The following GFRA1 variants were observed in gnomAD, a reference collection of about 807,000 sequenced individuals.
The protein encoded by GFRA1 is GDNF family receptor alpha-1.
GFRA1 carries 16 observed loss-of-function variants against 51.6 expected under a neutral mutation model. The observed-to-expected ratio is 0.31, with a 90% CI of 0.21 to 0.47. The LOEUF is 0.47. Among genes scored for constraint, GFRA1 ranks in the 20% least tolerant of loss-of-function variants. The pLI is 1.00. For missense variants in GFRA1, 530 were observed against 594.3 expected (o/e 0.89, Z 1.13); for synonymous variants, 270 against 241.3 (o/e 1.12, Z -1.10).
chr10:116,089,847 G>A lies in GFRA1; in HGVS notation c.1091C>T (p.Thr364Ile). 1 of 1,614,090 alleles carries A rather than the reference G, an allele frequency of 6.2e-7. No individual in the cohort carries two copies. The highest frequency in any genetic ancestry group is 8.5e-7 in the Non-Finnish European group (1 of 1,179,966). ...CCGGAGGGCAGTGGTGGTAGTGGCA[G>A]TGGTGGTCTGTACTGGGAAGGCTGG... ...WQPAFPVQTT[T>I]ATTTTALRVK... is the part of the protein sequence containing the mutation. Residue 364 changes from threonine (T) to isoleucine (I), a missense_variant, in exon 9 of 11, where the codon ACT becomes ATT. Coordinates refer to ENST00000355422, the MANE Select transcript of GFRA1 (RefSeq NM_005264.8).
chr10:116,089,908 C>G lies in GFRA1; in HGVS notation c.1030G>C (p.Ala344Pro). The G allele has an allele frequency of 6.2e-7, 1 of 1,613,316 alleles. No homozygotes were observed. Residue 344 changes from alanine (A) to proline (P), a missense_variant, in exon 9 of 11, where the codon GCC (alanine) becomes CCC (proline). Ala to Pro is a conservative substitution (Grantham distance 27). Transcript: ENST00000355422. The stretch of plus-strand genomic sequence containing the variant: ...GTCACATCGGAGCCATTGCCAAAGG[C>G]TTGAATTGCATTTTCTGCAGTAAAA... ...DNTCLKNAIQ[A>P]FGNGSDVTVW...
chr10:116,229,334 C>G (rs1183203821), intron 4 of GFRA1, among the ~76,000 whole-genome samples: 2 of 152,100 alleles, frequency 1.3e-5, no homozygotes, highest in African/African-American at 2.4e-5. Flanking sequence ...TTTATCCAAA[C>G]GAAAACTCAA....
intron 4 of GFRA1, among the ~76,000 whole-genome samples, chr10:116,218,338 G>C (rs1965701105): frequency 6.6e-6 from 1 of 152,214 alleles, no homozygotes; most frequent in Admixed American, 6.5e-5. Flanking sequence ...AAAGAGGTAG[G>C]AACTGTATGG....
chr10:116,084,116 G>A (rs1054732367), intron 9 of GFRA1, among the ~76,000 whole-genome samples: 3 of 152,124 alleles, frequency 2.0e-5, no homozygotes, highest in Non-Finnish European at 2.9e-5. Flanking sequence ...AGGGGCCCAC[G>A]GTGTCTCTAC....
At chr10:116,231,998 G>A (rs967234345) in intron 4 of GFRA1, among the ~76,000 whole-genome samples, 3 of 152,164 alleles carry the variant, frequency 2.0e-5, no homozygotes, top group Admixed American at 1.3e-4. Context: ...GCAGTATGGA[G>A]AGGGCAAAGA....
chr10:116,223,922 G>A (rs963116637), intron 4 of GFRA1, among the ~76,000 whole-genome samples: 31 of 152,162 alleles, frequency 2.0e-4, no homozygotes, highest in African/African-American at 7.2e-4. Context: ...CTTAAAAAAT[G>A]TTAATTGTCC....
intron 5 of GFRA1, among the ~76,000 whole-genome samples, chr10:116,133,388 T>A (rs908746726): frequency 1.3e-5 from 2 of 152,074 alleles, no homozygotes; most frequent in African/African-American, 4.8e-5. Flanking sequence ...AGGTATAACA[T>A]TCATGGCAAC....
In GFRA1 at chr10:116,246,355, C is replaced by T. The variant is rs150009027; in HGVS notation, c.418+23148G>A. Among the ~76,000 whole-genome samples the T allele has an allele frequency of 8.1e-3, 1,234 of 152,202 alleles. 18 individuals are homozygous for T. Among genetic ancestry groups the T allele is most frequent in the African/African-American group, 0.028 (1,164 of 41,516 alleles). ...CTGAAGCAGGAGAATCGCTTGAACCCGGGAGGCAGAGGTTGCAGTGAGACG... is the reference window on the plus strand; with the variant it reads ...CTGAAGCAGGAGAATCGCTTGAACCTGGGAGGCAGAGGTTGCAGTGAGACG... On this transcript the variant is annotated intron_variant, in intron 4 of 10. Transcript: ENST00000355422.
intron 5 of GFRA1, among the ~76,000 whole-genome samples, chr10:116,188,153 G>C (rs1029556029): frequency 7.2e-5 from 11 of 152,232 alleles, no homozygotes; most frequent in Non-Finnish European, 1.3e-4. Flanking sequence ...GACTTGTTCA[G>C]GTGGAATGGT....
At chr10:116,234,678 G>C (rs74936547) in intron 4 of GFRA1, among the ~76,000 whole-genome samples, 22,690 of 152,192 alleles carry the variant, frequency 0.15, 2,089 homozygotes, top group African/African-American at 0.26. Flanking sequence ...AGGGCTACTG[G>C]ACAGAGCTCT....
intron 5 of GFRA1, among the ~76,000 whole-genome samples, chr10:116,158,300 C>T (rs1385360246): frequency 6.6e-6 from 1 of 152,152 alleles, no homozygotes; most frequent in Non-Finnish European, 1.5e-5. Flanking sequence ...ACCAAGTACA[C>T]AGAGAAAATA....
chr10:116,075,351 C>T (rs956114290), intron 9 of GFRA1, among the ~76,000 whole-genome samples: 59 of 152,110 alleles, frequency 3.9e-4, no homozygotes, highest in African/African-American at 1.4e-3. Flanking sequence ...CACCGGATGC[C>T]GCCTCGGCAC....
At chr10:116,171,348 G>A (rs1405901375) in intron 5 of GFRA1, among the ~76,000 whole-genome samples, 2 of 152,090 alleles carry the variant, frequency 1.3e-5, no homozygotes, top group Admixed American at 6.5e-5. Flanking sequence ...TCAAACAGAC[G>A]CTAAACTCGG....
intron 3 of GFRA1, 21 bp from the exon 4 acceptor site, chr10:116,269,607 G>A (rs1378325248): frequency 7.0e-7 from 1 of 1,422,390 alleles, no homozygotes. Flanking sequence ...CAGAAAGATT[G>A]GGCTCAGATC....
At chr10:116,271,493 A>C (rs1843933275) in intron 2 of GFRA1, among the ~76,000 whole-genome samples, 1 of 151,898 alleles carries the variant, frequency 6.6e-6, no homozygotes. Flanking sequence ...GCTGAAACTC[A>C]GGCGCTTTCC....
At chr10:116,234,828 G>C (rs982531007) in intron 4 of GFRA1, among the ~76,000 whole-genome samples, 1 of 152,056 alleles carries the variant, frequency 6.6e-6, no homozygotes, top group Non-Finnish European at 1.5e-5. Flanking sequence ...ACATTTCATG[G>C]GAGGGACCCG....
intron 5 of GFRA1, among the ~76,000 whole-genome samples, chr10:116,172,674 G>A (rs1001711826): frequency 8.5e-5 from 13 of 152,144 alleles, no homozygotes; most frequent in African/African-American, 3.1e-4. Flanking sequence ...CCGACTGGCT[G>A]GGGGACGGGC....
intron 4 of GFRA1, among the ~76,000 whole-genome samples, chr10:116,242,252 A>T (rs1160235675): frequency 6.6e-6 from 1 of 152,232 alleles, no homozygotes; most frequent in Non-Finnish European, 1.5e-5. Flanking sequence ...GTCTCTGGTT[A>T]CAATTATGTG....
intron 4 of GFRA1, among the ~76,000 whole-genome samples, chr10:116,218,214 C>T (rs1026330000): frequency 2.6e-5 from 4 of 152,248 alleles, no homozygotes; most frequent in East Asian, 1.9e-4. Context: ...TAACACTGCC[C>T]GTCTCCTCTG....
Sources: gnomAD v4.1 joint callset for allele counts (sites outside exome capture counted in the v4.1 genomes callset) on GRCh38, gnomAD v4.1.1 for gene constraint, MANE v1.5 for transcripts, NCBI Gene and HGNC (gene_info 2026-07-23, HGNC 2026-07-21) for gene names.